Variants in PCDHGA1 observed in about 807,000 individuals in gnomAD.
The protein encoded by PCDHGA1 is protocadherin gamma subfamily A, 1, also known as protocadherin gamma-A1.
In PCDHGA1, 32 loss-of-function variants were observed where a neutral mutation model predicts 58.0. The observed-to-expected ratio is 0.55, with a 90% CI of 0.42 to 0.74. PCDHGA1 has a LOEUF of 0.74. PCDHGA1 is among the 30% of genes least tolerant of loss of function. The pLI, the probability that PCDHGA1 is intolerant of heterozygous loss-of-function variation, is 0.00. For synonymous variants in PCDHGA1, 498 were observed against 501.1 expected, an observed-to-expected ratio of 0.99 and a Z score of 0.08; for missense variants, 1,205 against 1,182.3, an observed-to-expected ratio of 1.02 and a Z score of -0.28.
intron 1 of PCDHGA1, chr5:141,340,765 G>C (rs753973847): frequency 1.4e-5 from 23 of 1,613,690 alleles, no homozygotes; most frequent in Middle Eastern, 1.7e-4. Context: ...ACAGAGACTC[G>C]GGCCAGAACG....
intron 1 of PCDHGA1, among the ~76,000 whole-genome samples, chr5:141,443,756 A>G (rs1234457212): frequency 6.6e-6 from 1 of 152,232 alleles, no homozygotes; most frequent in Non-Finnish European, 1.5e-5. Flanking sequence ...TTGGAAGCTT[A>G]CAATATACAA....
At chr5:141,364,703 G>C (rs1281129906) in intron 1 of PCDHGA1, 1 of 1,613,930 alleles carries the variant, frequency 6.2e-7, no homozygotes, top group East Asian at 2.2e-5. Context: ...AGAAATAATC[G>C]ATATTAATGA....
chr5:141,423,082 G>T (rs1390567548), intron 1 of PCDHGA1: 3 of 1,614,078 alleles, frequency 1.9e-6, no homozygotes, highest in Non-Finnish European at 2.5e-6. Context: ...GGGACTCTTC[G>T]CGGTGGGGGA....
chr5:141,350,461 T>G, intron 1 of PCDHGA1: 1 of 1,613,880 alleles, frequency 6.2e-7, no homozygotes, highest in African/African-American at 1.3e-5. Context: ...TGCGGGTTAG[T>G]GCAGAGGATT....
chr5:141,351,854 G>A (rs775230901), intron 1 of PCDHGA1: 7 of 1,613,246 alleles, frequency 4.3e-6, no homozygotes, highest in Middle Eastern at 3.3e-4. Flanking sequence ...GCAGGCCAGG[G>A]ACCAGGGCTC....
At position 141,375,481 on chromosome 5, in the gene PCDHGA1, CA is replaced by C. The variant is rs140643836; in HGVS notation, c.2421+42377del. 6.2e-4 allele frequency: 1,002 copies of C among 1,614,010 alleles called. 20 individuals are homozygous for C. The East Asian group carries it at 0.02, about 31-fold the overall frequency. On this transcript the variant is annotated intron_variant, in intron 1 of 3. Transcript: ENST00000517417. ...CAGTCTATGTCCTTGAAAACAACCC[CA>C]GGGGTGCCTCCATCTTCTCTGTGAA...
intron 1 of PCDHGA1, among the ~76,000 whole-genome samples, chr5:141,445,929 A>G (rs1388363296): frequency 6.6e-6 from 1 of 152,208 alleles, no homozygotes; most frequent in Non-Finnish European, 1.5e-5. Context: ...AAGATATTTG[A>G]ATTATTAAGC....
intron 1 of PCDHGA1, among the ~76,000 whole-genome samples, chr5:141,453,692 C>G (rs1182118927): frequency 6.6e-6 from 1 of 152,146 alleles, no homozygotes; most frequent in African/African-American, 2.4e-5. Flanking sequence ...GTAGGTAGTC[C>G]TGGCTTTGAA....
intron 1 of PCDHGA1, among the ~76,000 whole-genome samples, chr5:141,453,850 CT>C (rs1465668273): frequency 1.3e-5 from 2 of 152,148 alleles, no homozygotes; most frequent in Non-Finnish European, 2.9e-5. Context: ...CCACAGAGCA[CT>C]TTGAAAATAA....
In PCDHGA1 at chr5:141,487,636, AC is replaced by A. The variant is rs1562120737; in HGVS notation, c.2422-7170del. On this transcript the variant is annotated intron_variant, in intron 1 of 3. Coordinates refer to ENST00000517417, the MANE Select transcript of PCDHGA1 (RefSeq NM_018912.3). The surrounding 1 kb of genome is among the most constrained non-coding windows in gnomAD (Gnocchi z 5.0). ...TAGAGGTGAGACCTTTGCAGGCTCA[AC>A]AAATGCTTGAGGGTTATTCTGATCC... 1 of 1,614,192 alleles carries A rather than the reference AC, an allele frequency of 6.2e-7. No individual in the cohort carries two copies. The highest frequency in any genetic ancestry group is 2.2e-5 in the East Asian group (1 of 44,886).
At chr5:141,345,144 G>A (rs369622113) in intron 1 of PCDHGA1, 3 of 1,613,994 alleles carry the variant, frequency 1.9e-6, no homozygotes, top group East Asian at 2.2e-5. Context: ...TCTTATCGAC[G>A]TGCATGACCG....
chr5:141,388,395 C>T (rs1445370262), intron 1 of PCDHGA1: 10 of 1,613,928 alleles, frequency 6.2e-6, no homozygotes, highest in Middle Eastern at 1.6e-4. Flanking sequence ...GCAGAATTAC[C>T]AACTCAGTCC....
intron 1 of PCDHGA1, chr5:141,352,506 A>G (rs770894188): frequency 1.2e-6 from 2 of 1,613,868 alleles, no homozygotes; most frequent in Admixed American, 3.3e-5. Flanking sequence ...TATTCCTACA[A>G]TCTATGTATT....
In PCDHGA1 at chr5:141,330,880, A is replaced by T; in HGVS notation, c.196A>T (p.Ile66Phe). ...PQELADGGVR[I>F]VSRGRMPLFA... The stretch of plus-strand genomic sequence containing the variant: ...GGAGCTGGCAGATGGCGGAGTCCGC[A>T]TCGTCTCCAGAGGTAGGATGCCGCT... Residue 66 changes from isoleucine (I) to phenylalanine (F), a missense_variant, in exon 1 of 4, where the codon ATC becomes TTC. By Grantham distance (21) the Ile-to-Phe change is conservative. Coordinates refer to ENST00000517417, the MANE Select transcript of PCDHGA1 (RefSeq NM_018912.3). The T allele has an allele frequency of 6.2e-7, 1 of 1,614,226 alleles. No homozygotes were observed. The highest frequency in any genetic ancestry group is 8.5e-7 in the Non-Finnish European group (1 of 1,180,036).
At chr5:141,384,938 C>T (rs754481008) in intron 1 of PCDHGA1, 26 of 1,613,824 alleles carry the variant, frequency 1.6e-5, no homozygotes, top group Non-Finnish European at 2.2e-5. Flanking sequence ...AGCCTTGAGC[C>T]CTCCGACGGT....
At chr5:141,428,018 C>A in intron 1 of PCDHGA1, 12 of 1,604,570 alleles carry the variant, frequency 7.5e-6, no homozygotes, top group Middle Eastern at 1.7e-4. Context: ...TAGTGCCACG[C>A]GCCGCAGAGT....
intron 1 of PCDHGA1, chr5:141,343,416 T>C (rs967311105): frequency 1.0e-6 from 1 of 965,384 alleles, no homozygotes; most frequent in East Asian, 1.1e-4. Context: ...ATAACCCTGA[T>C]AAATGTAGTA....
In PCDHGA1 at chr5:141,355,403, C is replaced by T. The variant is rs762232178; in HGVS notation, c.2421+22298C>T. 8 of 1,613,938 alleles carry T rather than the reference C, an allele frequency of 5.0e-6. No individual in the cohort carries two copies. The highest frequency in any genetic ancestry group is 6.8e-6 in the Non-Finnish European group (8 of 1,179,932). On this transcript the variant is annotated intron_variant, in intron 1 of 3. Transcript: ENST00000517417. ...GCGGAGCGCGGAGTCCGCATCGTCT[C>T]CAGAGGTAGGACGCAGCTTTTCGCC... is the stretch of plus-strand genomic sequence containing the variant.
chr5:141,340,960 C>G (rs139922013), intron 1 of PCDHGA1: 2 of 1,613,890 alleles, frequency 1.2e-6, no homozygotes, highest in Non-Finnish European at 1.7e-6. Context: ...TCACCGTGGC[C>G]GTGGCCGACA....
Sources: gnomAD v4.1 joint callset for allele counts (sites outside exome capture counted in the v4.1 genomes callset) on GRCh38, gnomAD v4.1.1 for gene constraint, Gnocchi (gnomAD v3.1) non-coding constraint, MANE v1.5 for transcripts, NCBI Gene and HGNC (gene_info 2026-07-23, HGNC 2026-07-21) for gene names.